Variants in JAKMIP3 observed in about 807,000 individuals in gnomAD.
JAKMIP3 encodes the protein janus kinase and microtubule-interacting protein 3.
Under a neutral mutation model 118.5 loss-of-function variants are expected in JAKMIP3, and 58 were observed. The observed-to-expected ratio is 0.49, with a 90% CI of 0.40 to 0.61. The LOEUF is 0.61. Among genes scored for constraint, JAKMIP3 ranks in the 20% least tolerant of loss-of-function variants. The pLI is 0.00. For synonymous variants in JAKMIP3, 486 were observed against 451.2 expected (o/e 1.08, Z -0.98); for missense variants, 950 against 1,109.0 (o/e 0.86, Z 2.04).
chr10:132,140,795 T>C (rs1296683208), intron 10 of JAKMIP3, among the ~76,000 whole-genome samples: 3 of 152,140 alleles, frequency 2.0e-5, no homozygotes, highest in Admixed American at 6.5e-5. Context: ...TCCCATGACA[T>C]GGCTTGGGGT....
chr10:132,136,383 G>A (rs1196101647), intron 6 of JAKMIP3, among the ~76,000 whole-genome samples: 5 of 152,180 alleles, frequency 3.3e-5, no homozygotes, highest in African/African-American at 9.7e-5. Context: ...GGAAAATCCC[G>A]GGCGAGGGTA....
intron 1 of JAKMIP3, among the ~76,000 whole-genome samples, chr10:132,039,954 G>A (rs768343758): frequency 6.6e-6 from 1 of 152,182 alleles, no homozygotes; most frequent in Non-Finnish European, 1.5e-5. Context: ...TCTTTGTTTT[G>A]TTTATAAAAA....
intron 23 of JAKMIP3, among the ~76,000 whole-genome samples, chr10:132,180,580 CGTGCGCGTGT>C (rs1565018737): frequency 3.8e-4 from 5 of 12,988 alleles, no homozygotes; most frequent in East Asian, 6.6e-3. Flanking sequence ...TGTGTGTGTG[CGTGCGCGTGT>C]GTGTGTGCGT....
intron 1 of JAKMIP3, 44 bp from the exon 2 acceptor site, chr10:132,104,628 G>C: frequency 1.6e-6 from 1 of 637,552 alleles, no homozygotes; most frequent in Non-Finnish European, 2.7e-6. Context: ...TCCAGGCCAC[G>C]GCTCCGGAGG....
At chr10:132,134,132 T>C (rs2051240271) in intron 4 of JAKMIP3, among the ~76,000 whole-genome samples, 1 of 152,310 alleles carries the variant, frequency 6.6e-6, no homozygotes, top group African/African-American at 2.4e-5. Context: ...CGCACTCATA[T>C]CCTCTGTCGT....
At chr10:132,161,158 A>C (rs868462460) in intron 19 of JAKMIP3, among the ~76,000 whole-genome samples, 1 of 6,298 alleles carries the variant, frequency 1.6e-4, no homozygotes, top group African/African-American at 4.1e-4. Flanking sequence ...GATGCTGGGG[A>C]GCCTCTTCCT....
intron 2 of JAKMIP3, among the ~76,000 whole-genome samples, chr10:132,106,369 C>CAAA (rs71013507): frequency 6.7e-6 from 1 of 149,996 alleles, no homozygotes; most frequent in African/African-American, 2.5e-5. Context: ...AAAAAAAAAA[C>CAAA]CCACAGCTGC....
intron 1 of JAKMIP3, among the ~76,000 whole-genome samples, chr10:132,046,436 A>G (rs1185232784): frequency 1.3e-5 from 2 of 148,668 alleles, no homozygotes; most frequent in East Asian, 2.1e-4. Flanking sequence ...AGCCTGGGTG[A>G]CAGAGCAAGA....
rs111364846 is a variant in JAKMIP3, at chr10:132,085,524, G to A, written c.-137-19148G>A. Among the ~76,000 whole-genome samples, 14 of 149,704 alleles carry A rather than the reference G, an allele frequency of 9.4e-5. 1 individual carries two copies. Among genetic ancestry groups the A allele is most frequent in the African/African-American group, 2.7e-4 (11 of 40,700 alleles). On this transcript the variant is annotated intron_variant, in intron 1 of 23. Coordinates refer to ENST00000684848, the MANE Select transcript of JAKMIP3 (RefSeq NM_001323087.2). Reference sequence around the variant, plus strand: ...CTCTCTTTTTTTTTTTTTGTGAGAGGAAGTCTTGCTCTGTCACCCAGGCTG... The same window carrying A: ...CTCTCTTTTTTTTTTTTTGTGAGAGAAAGTCTTGCTCTGTCACCCAGGCTG...
chr10:132,149,363 G>A (rs2055361397), intron 14 of JAKMIP3, 49 bp from the exon 15 acceptor site: 1 of 1,257,604 alleles, frequency 8.0e-7, no homozygotes, highest in African/African-American at 1.5e-5. Context: ...TCCTCTTAGA[G>A]GGAAGGGATG....
At chr10:132,139,870 G>A (rs1371433200) in intron 9 of JAKMIP3, among the ~76,000 whole-genome samples, 2 of 152,146 alleles carry the variant, frequency 1.3e-5, no homozygotes, top group African/African-American at 2.4e-5. Context: ...GAAGAAGATG[G>A]CGGGCTTTCC....
At chr10:132,082,274 G>A (rs545550919) in intron 1 of JAKMIP3, among the ~76,000 whole-genome samples, 10 of 151,654 alleles carry the variant, frequency 6.6e-5, no homozygotes, top group East Asian at 1.9e-4. Flanking sequence ...GGTGGTGTTC[G>A]GTTACATGGG....
At chr10:132,148,473 C>T (rs1337990859) in intron 14 of JAKMIP3, among the ~76,000 whole-genome samples, 3 of 96,040 alleles carry the variant, frequency 3.1e-5, no homozygotes, top group Admixed American at 2.6e-4. Flanking sequence ...TCCATCCGCC[C>T]GTCCTCCATC....
At chr10:132,164,465 C>T (rs533653106) in intron 20 of JAKMIP3, among the ~76,000 whole-genome samples, 4 of 152,324 alleles carry the variant, frequency 2.6e-5, no homozygotes, top group Admixed American at 6.5e-5. Context: ...GTTCCCACCA[C>T]GGGGAGTGTG....
At position 132,182,377 on chromosome 10, in the gene JAKMIP3, G is replaced by A. The variant is rs926559266; in HGVS notation, c.*1124G>A. The A allele has an allele frequency of 1.3e-5, 2 of 152,264 alleles. No homozygotes were observed. The highest frequency in any genetic ancestry group is 4.8e-5 in the African/African-American group (2 of 41,470). 9.4% of individuals were successfully genotyped at this position (152,264 alleles called of 1,614,324 possible). A position where few individuals can be genotyped will look rare whatever the true frequency, so the allele number is the denominator to read the frequency against. ...TTCAGAGAGGAAGCAGTGCATTGGTGAAGGCAACGTTAGGTGTGATTTCCA... is the reference window on the plus strand; with the variant it reads ...TTCAGAGAGGAAGCAGTGCATTGGTAAAGGCAACGTTAGGTGTGATTTCCA... On this transcript the variant is annotated 3_prime_UTR_variant, in exon 24 of 24. Coordinates refer to ENST00000684848, the MANE Select transcript of JAKMIP3 (RefSeq NM_001323087.2).
intron 1 of JAKMIP3, among the ~76,000 whole-genome samples, chr10:132,050,795 C>T (rs905717569): frequency 3.3e-5 from 5 of 152,240 alleles, no homozygotes; most frequent in African/African-American, 9.7e-5. Flanking sequence ...CAAAACACCA[C>T]ATGCACCATT....
In JAKMIP3 at chr10:132,168,035, C is replaced by T. The variant is rs1357429269; in HGVS notation, c.*105C>T. Reference sequence around the variant, plus strand: ...GGACGTCGCGTCTCCATCCTGAAGACCCAGGGAGATTTGGTCTCTGCACGC... The same window carrying T: ...GGACGTCGCGTCTCCATCCTGAAGATCCAGGGAGATTTGGTCTCTGCACGC... On this transcript the variant is annotated 3_prime_UTR_variant, in exon 23 of 24. Coordinates refer to ENST00000684848, the MANE Select transcript of JAKMIP3 (RefSeq NM_001323087.2). 7.8e-7 allele frequency: 1 copy of T among 1,289,606 alleles called. No homozygotes were observed. Among genetic ancestry groups the T allele is most frequent in the Non-Finnish European group, 1.0e-6 (1 of 988,846 alleles). 79.9% of individuals were successfully genotyped at this position (1,289,606 alleles called of 1,614,324 possible). A position where few individuals can be genotyped will look rare whatever the true frequency, so the allele number is the denominator to read the frequency against.
chr10:132,164,697 G>A lies in JAKMIP3; in HGVS notation c.2452G>A (p.Glu818Lys). 6.2e-7 allele frequency: 1 copy of A among 1,600,274 alleles called. No homozygotes were observed. The change falls in exon 21 of 24, where the codon GAA becomes AAA. Residue 818 changes from glutamate (E) to lysine (K), a missense_variant. Transcript: ENST00000684848. ...QRIKELEERI[E>K]AQKRQIKELE... Reference sequence around the variant, plus strand: ...AATTAAAGAGTTAGAAGAAAGAATAGAAGCTCAGAAGAGACAAATAAAGGA... The same window carrying A: ...AATTAAAGAGTTAGAAGAAAGAATAAAAGCTCAGAAGAGACAAATAAAGGA...
intron 1 of JAKMIP3, among the ~76,000 whole-genome samples, chr10:132,039,762 C>T (rs1023126987): frequency 6.6e-6 from 1 of 152,160 alleles, no homozygotes; most frequent in South Asian, 2.1e-4. Flanking sequence ...TCATTTCTGG[C>T]CTCCTCTCTC....
Sources: gnomAD v4.1 joint callset for allele counts (sites outside exome capture counted in the v4.1 genomes callset) on GRCh38, gnomAD v4.1.1 for gene constraint, MANE v1.5 for transcripts, NCBI Gene and HGNC (gene_info 2026-07-23, HGNC 2026-07-21) for gene names.